PHF21B: variants seen among roughly 807,000 people sequenced by gnomAD.
The protein encoded by PHF21B is PHD finger protein 21B.
PHF21B carries 22 observed loss-of-function variants against 62.2 expected under a neutral mutation model. The ratio of observed to expected loss-of-function variants is 0.35; its 90% CI spans 0.25 to 0.51. PHF21B has a LOEUF of 0.51. Among genes scored for constraint, PHF21B ranks in the 20% least tolerant of loss-of-function variants. The pLI, the probability that PHF21B is intolerant of heterozygous loss-of-function variation, is 0.97. For synonymous variants in PHF21B, 341 were observed against 314.7 expected, an observed-to-expected ratio of 1.08 and a Z score of -0.88; for missense variants, 701 against 707.9, an observed-to-expected ratio of 0.99 and a Z score of 0.11.
At chr22:44,948,005 T>TTGTCCCTCCTCCCCGCTGC (rs1569247127) in intron 2 of PHF21B, among the ~76,000 whole-genome samples, 3 of 151,956 alleles carry the variant, frequency 2.0e-5, no homozygotes, top group Admixed American at 1.3e-4. Flanking sequence ...CTCCCCGCTG[T>TTGTCCCTCCTCCCCGCTGC]TGTCCCTCCT....
At chr22:44,969,021 C>T (rs968912246) in intron 2 of PHF21B, 1 of 152,266 alleles carries the variant, frequency 6.6e-6, no homozygotes, top group Admixed American at 6.5e-5. Flanking sequence ...ACGCTCAGCT[C>T]CTGGGCACCA....
At chr22:44,997,921 T>C (rs943007300) in intron 2 of PHF21B, among the ~76,000 whole-genome samples, 5 of 152,202 alleles carry the variant, frequency 3.3e-5, no homozygotes, top group African/African-American at 9.6e-5. Flanking sequence ...CTCAGCTCCT[T>C]TCCTATTTTG....
chr22:44,911,011 T>C (rs1203227801), intron 5 of PHF21B, among the ~76,000 whole-genome samples: 2 of 152,214 alleles, frequency 1.3e-5, no homozygotes, highest in African/African-American at 4.8e-5. Context: ...AAGGAACTTG[T>C]TGGGAACTGG....
At chr22:44,915,441 C>T (rs1176624050) in intron 4 of PHF21B, among the ~76,000 whole-genome samples, 4 of 152,240 alleles carry the variant, frequency 2.6e-5, no homozygotes, top group African/African-American at 9.6e-5. Flanking sequence ...CCAGCATCTG[C>T]TAAGCACCTT....
At chr22:44,966,851 A>G (rs913605050) in intron 2 of PHF21B, among the ~76,000 whole-genome samples, 1 of 152,164 alleles carries the variant, frequency 6.6e-6, no homozygotes, top group African/African-American at 2.4e-5. Context: ...CACTCGAGTT[A>G]GTGCATTATA....
At chr22:44,912,960 G>A (rs5766183) in intron 5 of PHF21B, among the ~76,000 whole-genome samples, 1 of 150,980 alleles carries the variant, frequency 6.6e-6, no homozygotes, top group Non-Finnish European at 1.5e-5. Flanking sequence ...AAAAGACCCA[G>A]AGTGGAGGAT....
At chr22:44,979,430 A>C (rs1365049383) in intron 2 of PHF21B, among the ~76,000 whole-genome samples, 1 of 152,220 alleles carries the variant, frequency 6.6e-6, no homozygotes, top group East Asian at 1.9e-4. Context: ...GCGGGGCTGC[A>C]GGACTGCCAG....
chr22:44,945,724 G>C (rs558316249), intron 2 of PHF21B, among the ~76,000 whole-genome samples: 3 of 34,190 alleles, frequency 8.8e-5, no homozygotes, highest in Admixed American at 6.6e-4. Context: ...ATTGGGGGGG[G>C]GGTGGTATAA....
chr22:44,993,177 G>A (rs1038789401), intron 2 of PHF21B, among the ~76,000 whole-genome samples: 2 of 152,132 alleles, frequency 1.3e-5, no homozygotes, highest in Non-Finnish European at 2.9e-5. Context: ...GGCAGGACTC[G>A]CTGGCTGGGC....
Position 44,883,084 on chromosome 22 carries a change from G to C in PHF21B, c.*2C>G. The C allele has an allele frequency of 6.2e-7, 1 of 1,608,242 alleles. No individual in the cohort carries two copies. Among genetic ancestry groups the C allele is most frequent in the South Asian group, 1.1e-5 (1 of 90,746 alleles). ...GTGGGTATGAAGACTGGTCCCTCGGGGTCAGTTGTGGCCCTGGGGGTGCTG... is the reference window on the plus strand; with the variant it reads ...GTGGGTATGAAGACTGGTCCCTCGGCGTCAGTTGTGGCCCTGGGGGTGCTG... On this transcript the variant is annotated 3_prime_UTR_variant, in exon 13 of 13. Coordinates refer to ENST00000313237, the MANE Select transcript of PHF21B (RefSeq NM_138415.5).
At chr22:44,983,595 T>C (rs555774973) in intron 2 of PHF21B, among the ~76,000 whole-genome samples, 2 of 152,288 alleles carry the variant, frequency 1.3e-5, no homozygotes, top group East Asian at 1.9e-4. Context: ...TAGCACATCA[T>C]CTTCTGTACT....
At chr22:44,886,106 G>C (rs994387374) in intron 10 of PHF21B, among the ~76,000 whole-genome samples, 168 bp from the exon 11 acceptor site, 3 of 152,084 alleles carry the variant, frequency 2.0e-5, no homozygotes, top group African/African-American at 7.2e-5. Flanking sequence ...AGCTCACAGG[G>C]GCTACACAGC....
intron 8 of PHF21B, 112 bp from the exon 9 acceptor site, chr22:44,889,894 TGGGAGCATCATAAG>T: frequency 2.5e-6 from 3 of 1,182,534 alleles, no homozygotes; most frequent in Non-Finnish European, 3.4e-6. Context: ...CAGGGCATGA[TGGGAGCATCATAAG>T]GCCCCCATGA....
At chr22:44,886,048 G>A in intron 10 of PHF21B, 110 bp from the exon 11 acceptor site, 2 of 978,652 alleles carry the variant, frequency 2.0e-6, no homozygotes, top group Non-Finnish European at 3.1e-6. Flanking sequence ...TGAGCCACAG[G>A]GTCCTCACCC....
chr22:44,969,808 A>T (rs1299746845), intron 2 of PHF21B, among the ~76,000 whole-genome samples: 1 of 152,206 alleles, frequency 6.6e-6, no homozygotes, highest in African/African-American at 2.4e-5. Context: ...GATCCTTGCC[A>T]CTATTCTATA....
chr22:44,944,649 T>C (rs2072027798), intron 2 of PHF21B, among the ~76,000 whole-genome samples: 1 of 152,170 alleles, frequency 6.6e-6, no homozygotes, highest in African/African-American at 2.4e-5. Flanking sequence ...TGGCCCATCC[T>C]GGTTCCTCTA....
intron 5 of PHF21B, 73 bp downstream of exon 5, chr22:44,913,749 G>A (rs2071384645): frequency 8.5e-6 from 13 of 1,530,262 alleles, no homozygotes; most frequent in South Asian, 2.6e-5. Context: ...GGCCATCCCC[G>A]CTATACACAG....
intron 2 of PHF21B, among the ~76,000 whole-genome samples, chr22:44,991,345 G>C (rs2073039805): frequency 6.6e-6 from 1 of 152,150 alleles, no homozygotes; most frequent in South Asian, 2.1e-4. Context: ...CGTGCAAAGG[G>C]GAAGGGATTT....
At chr22:44,994,433 C>T (rs1237830982) in intron 2 of PHF21B, among the ~76,000 whole-genome samples, 6 of 152,220 alleles carry the variant, frequency 3.9e-5, no homozygotes, top group Admixed American at 3.9e-4. Flanking sequence ...CAGAAGCCGC[C>T]AGGGGCTGGC....
Sources: allele counts gnomAD v4.1 joint callset (sites outside exome capture counted in the v4.1 genomes callset), GRCh38; gene constraint gnomAD v4.1.1; transcripts MANE v1.5; gene names NCBI Gene and HGNC (gene_info 2026-07-23, HGNC 2026-07-21).